The following CSMD1 variants were observed in gnomAD, a reference collection of about 807,000 sequenced individuals.
CSMD1 encodes CUB and Sushi multiple domains 1, also known as CUB and sushi domain-containing protein 1.
A neutral mutation model predicts 417.5 loss-of-function variants in CSMD1; 213 were observed. The ratio of observed to expected loss-of-function variants is 0.51; its 90% CI spans 0.46 to 0.57. The LOEUF (loss-of-function observed/expected upper bound fraction) is 0.57, where lower values mean the gene tolerates loss of function less well. CSMD1 is among the 20% of genes least tolerant of loss of function. CSMD1 has a pLI of 0.00. For missense variants in CSMD1, 6,923 were observed against 4,529.7 expected (o/e 1.53, Z -15.17); for synonymous variants, 2,862 against 1,736.8 (o/e 1.65, Z -16.11).
chr8:4,548,115 C>T (rs750239019), intron 2 of CSMD1, among the ~76,000 whole-genome samples: 2 of 152,032 alleles, frequency 1.3e-5, no homozygotes, highest in East Asian at 1.9e-4. Context: ...AGTTTATTTG[C>T]TTTGATGATG....
rs1206713433 is a variant in CSMD1, at chr8:3,795,927, T to A, written c.819-41885A>T. Among the ~76,000 whole-genome samples the A allele has an allele frequency of 3.2e-5, 2 of 62,140 alleles. 1 individual carries two copies. Among genetic ancestry groups the A allele is most frequent in the South Asian group, 9.6e-4 (2 of 2,094 alleles). 40.8% of individuals were successfully genotyped at this position (62,140 alleles called of 152,430 possible). ...TATCATGTACAGATATAGATATCTA[T>A]CATGTACAGATATAGATATCTATCA... On this transcript the variant is annotated intron_variant, in intron 5 of 69. Coordinates refer to ENST00000635120, the MANE Select transcript of CSMD1 (RefSeq NM_033225.6).
intron 7 of CSMD1, among the ~76,000 whole-genome samples, chr8:3,647,680 A>G (rs1449317564): frequency 6.6e-6 from 1 of 152,228 alleles, no homozygotes; most frequent in Non-Finnish European, 1.5e-5. Context: ...AAGTTTTAGT[A>G]CAGTTATTGT....
intron 5 of CSMD1, among the ~76,000 whole-genome samples, chr8:3,887,303 C>G (rs936057019): frequency 6.6e-6 from 1 of 152,162 alleles, no homozygotes; most frequent in East Asian, 1.9e-4. Context: ...CATCCTCCCC[C>G]CATCGCCAGG....
chr8:4,818,208 C>G (rs1048330796), intron 1 of CSMD1, among the ~76,000 whole-genome samples: 4 of 152,058 alleles, frequency 2.6e-5, no homozygotes, highest in South Asian at 2.1e-4. Flanking sequence ...TTCTCCTGAG[C>G]AAATGTTTTA....
chr8:4,639,472 C>T (rs539591438), intron 1 of CSMD1, among the ~76,000 whole-genome samples: 10 of 152,238 alleles, frequency 6.6e-5, no homozygotes, highest in South Asian at 2.1e-4. Context: ...TCCAACATTT[C>T]GTTTGTCTGA....
At chr8:4,110,911 A>G (rs1342281693) in intron 3 of CSMD1, among the ~76,000 whole-genome samples, 4 of 152,152 alleles carry the variant, frequency 2.6e-5, no homozygotes, top group African/African-American at 9.7e-5. Context: ...ATAAAGTGAG[A>G]CAATGACATT....
At chr8:4,362,119 G>A (rs1260395124) in intron 3 of CSMD1, among the ~76,000 whole-genome samples, 1 of 152,114 alleles carries the variant, frequency 6.6e-6, no homozygotes, top group Non-Finnish European at 1.5e-5. Flanking sequence ...ACAAATCCAA[G>A]TACTTTATAA....
intron 5 of CSMD1, among the ~76,000 whole-genome samples, chr8:3,797,010 G>C (rs1249378385): frequency 6.6e-6 from 1 of 151,664 alleles, no homozygotes; most frequent in Non-Finnish European, 1.5e-5. Context: ...TAATAATGTT[G>C]TTAATTATAT....
At chr8:4,127,823 C>G (rs1381292004) in intron 3 of CSMD1, among the ~76,000 whole-genome samples, 1 of 152,076 alleles carries the variant, frequency 6.6e-6, no homozygotes, top group Non-Finnish European at 1.5e-5. Flanking sequence ...CATTATTTAT[C>G]ATTCTTATTA....
At chr8:4,804,152 T>G (rs1282123664) in intron 1 of CSMD1, among the ~76,000 whole-genome samples, 3 of 152,130 alleles carry the variant, frequency 2.0e-5, no homozygotes, top group African/African-American at 7.2e-5. Flanking sequence ...CAAAACTAGA[T>G]GCCCTTGTAT....
chr8:3,525,014 C>T (rs541991218), intron 10 of CSMD1, among the ~76,000 whole-genome samples: 11 of 152,144 alleles, frequency 7.2e-5, no homozygotes, highest in Non-Finnish European at 1.5e-4. Flanking sequence ...ATCAAGTTGG[C>T]ATTTATTTTC....
intron 11 of CSMD1, chr8:3,469,155 TG>T (rs1816945155): frequency 9.8e-6 from 2 of 204,568 alleles, no homozygotes; most frequent in South Asian, 1.9e-4. Context: ...GGGACAGTCC[TG>T]GAAAAAATAT....
chr8:3,133,310 A>G (rs778159406), intron 41 of CSMD1, among the ~76,000 whole-genome samples: 4 of 152,080 alleles, frequency 2.6e-5, no homozygotes, highest in Admixed American at 2.0e-4. Context: ...TCTCAACAGG[A>G]GGCTACTTTC....
At chr8:4,724,282 T>C (rs1363306162) in intron 1 of CSMD1, among the ~76,000 whole-genome samples, 1 of 152,118 alleles carries the variant, frequency 6.6e-6, no homozygotes, top group Non-Finnish European at 1.5e-5. Flanking sequence ...ATATAAGCTA[T>C]GTCAAATTGT....
At chr8:3,379,232 T>C (rs1330098192) in intron 18 of CSMD1, among the ~76,000 whole-genome samples, 3 of 152,080 alleles carry the variant, frequency 2.0e-5, no homozygotes, top group Non-Finnish European at 2.9e-5. Flanking sequence ...AAACCACTGC[T>C]CAAGGAAATA....
At chr8:3,772,414 T>C (rs796692796) in intron 5 of CSMD1, among the ~76,000 whole-genome samples, 26 of 94,490 alleles carry the variant, frequency 2.8e-4, no homozygotes, top group East Asian at 7.2e-4. Context: ...TACATATATT[T>C]ATATATACAC....
At chr8:3,962,996 G>A (rs555030315) in intron 5 of CSMD1, among the ~76,000 whole-genome samples, 6 of 152,080 alleles carry the variant, frequency 3.9e-5, no homozygotes, top group Non-Finnish European at 7.4e-5. Flanking sequence ...GAGTGCGGTG[G>A]AGCAATCTCG....
intron 2 of CSMD1, among the ~76,000 whole-genome samples, chr8:4,453,468 C>G (rs1022814798): frequency 6.6e-6 from 1 of 152,152 alleles, no homozygotes; most frequent in Non-Finnish European, 1.5e-5. Flanking sequence ...AACGGTGATG[C>G]GAAGTCTGGC....
chr8:2,996,971 C>T (rs144419584), intron 54 of CSMD1, among the ~76,000 whole-genome samples: 141 of 152,306 alleles, frequency 9.3e-4, no homozygotes, highest in African/African-American at 3.2e-3. Context: ...CCCTGTGCAC[C>T]TGGGGCTGAC....
Sources: gnomAD v4.1 joint callset for allele counts (sites outside exome capture counted in the v4.1 genomes callset) on GRCh38, gnomAD v4.1.1 for gene constraint, MANE v1.5 for transcripts, NCBI Gene and HGNC (gene_info 2026-07-23, HGNC 2026-07-21) for gene names.